Variants in UBXN4 observed in about 807,000 individuals in gnomAD.
The protein encoded by UBXN4 is UBX domain-containing protein 4.
A neutral mutation model predicts 66.2 loss-of-function variants in UBXN4; 35 were observed. The observed-to-expected ratio is 0.53, with a 90% CI of 0.40 to 0.70. UBXN4 has a LOEUF of 0.70. Ranked by LOEUF, UBXN4 falls within the 30% of genes least tolerant of loss-of-function variation. UBXN4 has a pLI of 0.00. For synonymous variants in UBXN4, 203 were observed against 204.5 expected (o/e 0.99, Z 0.06); for missense variants, 533 against 599.8 (o/e 0.89, Z 1.16).
chr2:135,780,965 C>T (rs1307196538), intron 12 of UBXN4, among the ~76,000 whole-genome samples: 1 of 152,270 alleles, frequency 6.6e-6, no homozygotes, highest in Non-Finnish European at 1.5e-5. Flanking sequence ...TGGCTCACGC[C>T]TGTAATCCCA....
intron 4 of UBXN4, among the ~76,000 whole-genome samples, chr2:135,755,220 C>G (rs1011914309): frequency 6.6e-6 from 1 of 152,214 alleles, no homozygotes; most frequent in Non-Finnish European, 1.5e-5. Context: ...TTAATCATTT[C>G]TGTCTACTTT....
intron 8 of UBXN4, 104 bp from the exon 9 acceptor site, chr2:135,772,316 C>T (rs2077387970): frequency 1.4e-6 from 2 of 1,388,558 alleles, no homozygotes; most frequent in East Asian, 2.6e-5. Context: ...CAGCAAGACC[C>T]TGTCTCTTAA....
At chr2:135,755,175 T>A (rs1291031738) in intron 4 of UBXN4, among the ~76,000 whole-genome samples, 1 of 152,160 alleles carries the variant, frequency 6.6e-6, no homozygotes, top group Non-Finnish European at 1.5e-5. Context: ...AACTATATAT[T>A]GCTTAATATA....
At chr2:135,743,803 C>CT (rs1329946626) in intron 1 of UBXN4, among the ~76,000 whole-genome samples, 6 of 152,092 alleles carry the variant, frequency 3.9e-5, no homozygotes, top group African/African-American at 1.4e-4. Flanking sequence ...TTTGGAAACT[C>CT]TAGTACAAAT....
rs949128229 is a variant in UBXN4, at chr2:135,747,851, C to T, written c.83-416C>T. 2.2e-4 allele frequency: 79 copies of T among 353,510 alleles called. 1 individual carries two copies. The highest frequency in any genetic ancestry group is 6.2e-5 in the Non-Finnish European group (11 of 178,562). 21.9% of individuals were successfully genotyped at this position (353,510 alleles called of 1,614,324 possible). ...GGCCAGTCTGGTCTCGAATTCCTGG[C>T]CTCAGGTGATCTACCCGCCTCAGCC... On this transcript the variant is annotated intron_variant, in intron 1 of 12. Coordinates refer to ENST00000272638, the MANE Select transcript of UBXN4 (RefSeq NM_014607.4).
At chr2:135,750,205 C>G (rs1285662031) in intron 2 of UBXN4, among the ~76,000 whole-genome samples, 3 of 152,124 alleles carry the variant, frequency 2.0e-5, no homozygotes, top group Non-Finnish European at 4.4e-5. Context: ...AAATATTGGA[C>G]TGAAGAGATC....
In UBXN4 at chr2:135,780,222, G is replaced by T. The variant is rs370373832; in HGVS notation, c.1225G>T (p.Gly409Ter). 6.2e-7 allele frequency: 1 copy of T among 1,614,006 alleles called. No homozygotes were observed. The highest frequency in any genetic ancestry group is 8.5e-7 in the Non-Finnish European group (1 of 1,180,002). ...TGCATCCATTGTACACTCTTCCAGC[G>T]GAGACATTTGGACCTTGTTGGGAAC... ...PTASIVHSSS[G>*]DIWTLLGTVL... Residue 409 changes from glycine to a stop codon, truncating the protein, a stop_gained, in exon 12 of 13, where the codon GGA becomes TGA. Transcript: ENST00000272638. LOFTEE classifies it high-confidence loss of function.
chr2:135,769,849 T>C, intron 7 of UBXN4, 26 bp downstream of exon 7: 1 of 1,577,246 alleles, frequency 6.3e-7, no homozygotes, highest in Non-Finnish European at 8.6e-7. Flanking sequence ...TTAGCATTGT[T>C]TTGTCCTCTC....
chr2:135,772,760 C>T (rs1171708210), intron 9 of UBXN4, among the ~76,000 whole-genome samples: 5 of 150,268 alleles, frequency 3.3e-5, no homozygotes, highest in African/African-American at 4.9e-5. Flanking sequence ...GCCCAATAGC[C>T]GGGCGCGGTG....
chr2:135,762,915 G>A (rs971257988), intron 6 of UBXN4, among the ~76,000 whole-genome samples: 1 of 152,168 alleles, frequency 6.6e-6, no homozygotes, highest in African/African-American at 2.4e-5. Context: ...AAAAGGGTTT[G>A]GAGACTTGGG....
intron 5 of UBXN4, 111 bp from the exon 6 acceptor site, chr2:135,761,706 TA>T: frequency 1.1e-6 from 1 of 904,776 alleles, no homozygotes; most frequent in East Asian, 2.9e-5. Flanking sequence ...AGGGAAAATA[TA>T]TAATGCTTAA....
chr2:135,763,641 A>C (rs1043770690), intron 6 of UBXN4, among the ~76,000 whole-genome samples: 7 of 150,522 alleles, frequency 4.7e-5, no homozygotes, highest in Non-Finnish European at 1.0e-4. Flanking sequence ...CCTGGGCAAC[A>C]TGGCAAAACC....
intron 1 of UBXN4, among the ~76,000 whole-genome samples, chr2:135,745,474 T>G (rs993851255): frequency 2.6e-5 from 4 of 152,204 alleles, no homozygotes; most frequent in Non-Finnish European, 5.9e-5. Context: ...TCTATTTGTT[T>G]AAAAATTTTG....
rs1285279268 is a variant in UBXN4 at position 135,784,510 on chromosome 2, A to G, written c.*1623A>G. On this transcript the variant is annotated 3_prime_UTR_variant, in exon 13 of 13. Coordinates refer to ENST00000272638, the MANE Select transcript of UBXN4 (RefSeq NM_014607.4). ...CCATTAATAATGGTAAGATTGGTTT[A>G]TGTGATTTTAGTGGTATTTTTGGCA... 1 of 152,370 alleles carries G rather than the reference A, an allele frequency of 6.6e-6. No homozygotes were observed. Among genetic ancestry groups the G allele is most frequent in the Non-Finnish European group, 1.5e-5 (1 of 68,026 alleles). 9.4% of individuals were successfully genotyped at this position (152,370 alleles called of 1,614,324 possible).
intron 11 of UBXN4, among the ~76,000 whole-genome samples, chr2:135,779,666 C>A (rs1467850112): frequency 1.9e-4 from 29 of 151,686 alleles, no homozygotes; most frequent in Admixed American, 1.8e-3. Context: ...TTTTTTAAAT[C>A]AGCAAGAAAG....
In UBXN4 at chr2:135,748,702, G is replaced by A. The variant is rs376587952; in HGVS notation, c.185+333G>A. Among the ~76,000 whole-genome samples, 5 of 148,022 alleles carry A rather than the reference G, an allele frequency of 3.4e-5. No individual in the cohort carries two copies. In the South Asian group the frequency reaches 1.1e-3, roughly 33 times the overall value. ...ATCATGCCACTGCACTCCAGCCTGG[G>A]TGACAGAGTCAAACTCTGTCTCAAA... On this transcript the variant is annotated intron_variant, in intron 2 of 12. Transcript: ENST00000272638.
intron 6 of UBXN4, among the ~76,000 whole-genome samples, chr2:135,763,841 A>G (rs1028065222): frequency 4.8e-5 from 7 of 145,402 alleles, no homozygotes; most frequent in African/African-American, 1.8e-4. Flanking sequence ...GTAAATAAAT[A>G]AGACCAGGCA....
intron 6 of UBXN4, among the ~76,000 whole-genome samples, chr2:135,762,459 C>G (rs371752953): frequency 1.8e-4 from 27 of 151,942 alleles, no homozygotes; most frequent in African/African-American, 6.3e-4. Context: ...TATTTTAAAC[C>G]CTGATTTAAA....
chr2:135,774,817 C>T (rs184837908), intron 9 of UBXN4, among the ~76,000 whole-genome samples: 2 of 151,558 alleles, frequency 1.3e-5, no homozygotes, highest in South Asian at 2.1e-4. Context: ...TGCACTCCAG[C>T]CTGGGCGACA....
Sources: allele counts gnomAD v4.1 joint callset (sites outside exome capture counted in the v4.1 genomes callset), GRCh38; gene constraint gnomAD v4.1.1; transcripts MANE v1.5; gene names NCBI Gene and HGNC (gene_info 2026-07-23, HGNC 2026-07-21).